RCL1: variants seen among roughly 807,000 people sequenced by gnomAD.
RCL1 encodes the protein RNA 3'-terminal phosphate cyclase-like protein.
RCL1 carries 24 observed loss-of-function variants against 42.4 expected under a neutral mutation model. The observed-to-expected ratio is 0.57, with a 90% CI of 0.41 to 0.80. The LOEUF (loss-of-function observed/expected upper bound fraction) is 0.80, where lower values mean the gene tolerates loss of function less well. Among genes scored for constraint, RCL1 ranks in the 30% least tolerant of loss-of-function variants. The pLI is 0.00. For missense variants in RCL1, 578 were observed against 467.9 expected, an observed-to-expected ratio of 1.24 and a Z score of -2.17; for synonymous variants, 228 against 177.3, an observed-to-expected ratio of 1.29 and a Z score of -2.27.
At chr9:4,793,854 T>C (rs1200618283) in intron 1 of RCL1, among the ~76,000 whole-genome samples, 1 of 152,260 alleles carries the variant, frequency 6.6e-6, no homozygotes, top group Non-Finnish European at 1.5e-5. Flanking sequence ...TTAACAGTCA[T>C]GGGCCTAATT....
chr9:4,858,026 C>T (rs145389884), intron 8 of RCL1, among the ~76,000 whole-genome samples: 2 of 143,488 alleles, frequency 1.4e-5, no homozygotes, highest in African/African-American at 2.6e-5. Context: ...ACTACAGGCT[C>T]CTGCCATCAT....
chr9:4,805,440 C>G (rs1019718891), intron 1 of RCL1, among the ~76,000 whole-genome samples: 6 of 151,894 alleles, frequency 4.0e-5, no homozygotes, highest in African/African-American at 1.5e-4. Flanking sequence ...CCAAAAAACC[C>G]CAAATTTCCA....
chr9:4,839,940 G>C (rs145109337), intron 5 of RCL1: 354 of 983,356 alleles, frequency 3.6e-4, no homozygotes, highest in Middle Eastern at 1.6e-3. Flanking sequence ...TGGGAGAATG[G>C]GGCAAAGCAG....
At chr9:4,828,843 A>G (rs974442278) in intron 3 of RCL1, among the ~76,000 whole-genome samples, 4 of 152,224 alleles carry the variant, frequency 2.6e-5, no homozygotes, top group Non-Finnish European at 4.4e-5. Flanking sequence ...CTGTTTTCAT[A>G]TGCTGTAGGA....
At chr9:4,831,431 C>T (rs957412069) in intron 3 of RCL1, among the ~76,000 whole-genome samples, 5 of 152,184 alleles carry the variant, frequency 3.3e-5, no homozygotes, top group Non-Finnish European at 7.3e-5. Flanking sequence ...CTGTATTCTT[C>T]TTTATCTGGC....
intron 8 of RCL1, among the ~76,000 whole-genome samples, chr9:4,851,371 C>T (rs998849108): frequency 5.3e-5 from 8 of 152,158 alleles, no homozygotes; most frequent in South Asian, 2.1e-4. Flanking sequence ...GGGAAGCCTC[C>T]GTTCTTTTTG....
At chr9:4,850,919 A>G (rs928755923) in intron 8 of RCL1, among the ~76,000 whole-genome samples, 1 of 151,858 alleles carries the variant, frequency 6.6e-6, no homozygotes, top group Non-Finnish European at 1.5e-5. Context: ...GCTTGCACAC[A>G]CGGTATGAGG....
intron 6 of RCL1, among the ~76,000 whole-genome samples, chr9:4,842,552 G>A (rs1817368632): frequency 6.6e-6 from 1 of 152,086 alleles, no homozygotes; most frequent in Non-Finnish European, 1.5e-5. Context: ...CTAAACCTTT[G>A]GTTTATATTC....
At chr9:4,858,627 C>G (rs1005890071) in intron 8 of RCL1, among the ~76,000 whole-genome samples, 2 of 152,128 alleles carry the variant, frequency 1.3e-5, no homozygotes, top group African/African-American at 4.8e-5. Flanking sequence ...TTATGCTTTC[C>G]TCATTGAGGA....
chr9:4,799,116 C>CCCTT (rs4008452), intron 1 of RCL1, among the ~76,000 whole-genome samples: 37,999 of 135,642 alleles, frequency 0.28, 5,927 homozygotes, highest in South Asian at 0.42. Context: ...CTCTTTTTCT[C>CCCTT]CCTCCCTTCC....
chr9:4,803,415 G>A (rs923387429), intron 1 of RCL1, among the ~76,000 whole-genome samples: 7 of 151,972 alleles, frequency 4.6e-5, no homozygotes, highest in African/African-American at 1.5e-4. Flanking sequence ...TGCTTATATC[G>A]TATTAAAACA....
intron 1 of RCL1, among the ~76,000 whole-genome samples, chr9:4,808,688 T>C (rs1816065140): frequency 6.6e-6 from 1 of 152,130 alleles, no homozygotes; most frequent in South Asian, 2.1e-4. Context: ...TGAGGACTAG[T>C]ATTGAAGAGT....
intron 1 of RCL1, among the ~76,000 whole-genome samples, chr9:4,821,305 C>T (rs1816588907): frequency 6.6e-6 from 1 of 152,088 alleles, no homozygotes; most frequent in Non-Finnish European, 1.5e-5. Context: ...CAGACTTGGG[C>T]TCAGATCCTG....
intron 3 of RCL1, among the ~76,000 whole-genome samples, chr9:4,832,282 C>A (rs1233460282): frequency 1.3e-5 from 2 of 152,094 alleles, no homozygotes; most frequent in African/African-American, 4.8e-5. Context: ...GTGCTGCTTC[C>A]TGTAGTTTGA....
intron 1 of RCL1, among the ~76,000 whole-genome samples, chr9:4,821,574 C>A (rs568947458): frequency 1.3e-5 from 2 of 152,264 alleles, no homozygotes; most frequent in African/African-American, 4.8e-5. Context: ...GCCTTCTTGC[C>A]ACAGCTTCCC....
chr9:4,839,557 G>C (rs529086737), intron 5 of RCL1: 9 of 580,420 alleles, frequency 1.6e-5, no homozygotes, highest in African/African-American at 2.0e-5. Context: ...GCACCTGCTT[G>C]GTCCAAAGGG....
intron 2 of RCL1, among the ~76,000 whole-genome samples, chr9:4,826,548 T>C (rs551692186): frequency 7.2e-5 from 11 of 152,320 alleles, no homozygotes; most frequent in African/African-American, 2.4e-4. Flanking sequence ...GAATGTGCTG[T>C]TGGGAGACTA....
chr9:4,822,391 G>A (rs1816623829), intron 1 of RCL1, among the ~76,000 whole-genome samples: 1 of 152,196 alleles, frequency 6.6e-6, no homozygotes, highest in Admixed American at 6.5e-5. Flanking sequence ...GGGTGTGTTT[G>A]TGTGTAAGAT....
At position 4,792,986 on chromosome 9, in the gene RCL1, C is replaced by A; in HGVS notation, c.-106C>A. 7.4e-7 allele frequency: 1 copy of A among 1,349,248 alleles called. No homozygotes were observed. The highest frequency in any genetic ancestry group is 1.0e-6 in the Non-Finnish European group (1 of 1,003,270). 83.6% of individuals were successfully genotyped at this position (1,349,248 alleles called of 1,614,324 possible). A position where few individuals can be genotyped will look rare whatever the true frequency, so the allele number is the denominator to read the frequency against. Reference sequence around the variant, plus strand: ...CTGGGCTGCTGGAGGCAGCCCGAGCCGCCGCCGTCGGTGTCGCCGCCACCA... The same window carrying A: ...CTGGGCTGCTGGAGGCAGCCCGAGCAGCCGCCGTCGGTGTCGCCGCCACCA... On this transcript the variant is annotated 5_prime_UTR_variant, in exon 1 of 9. Transcript: ENST00000381750.
Sources: allele counts gnomAD v4.1 joint callset (sites outside exome capture counted in the v4.1 genomes callset), GRCh38; gene constraint gnomAD v4.1.1; transcripts MANE v1.5; gene names NCBI Gene and HGNC (gene_info 2026-07-23, HGNC 2026-07-21).